The following FTO variants were observed in gnomAD, a reference collection of about 807,000 sequenced individuals.
The protein encoded by FTO is FTO alpha-ketoglutarate dependent dioxygenase.
FTO carries 47 observed loss-of-function variants against 63.9 expected under a neutral mutation model. That is an observed-to-expected ratio of 0.74 (90% confidence interval 0.58 to 0.94). The LOEUF (loss-of-function observed/expected upper bound fraction) is 0.94. Among genes scored for constraint, FTO ranks in the 40% least tolerant of loss-of-function variants. FTO has a pLI of 0.00. For missense variants in FTO, 562 were observed against 618.1 expected, an observed-to-expected ratio of 0.91 and a Z score of 0.96; for synonymous variants, 207 against 224.4, an observed-to-expected ratio of 0.92 and a Z score of 0.69.
At chr16:53,803,609 G>T (rs1311970046) in intron 1 of FTO, among the ~76,000 whole-genome samples, 2 of 152,148 alleles carry the variant, frequency 1.3e-5, no homozygotes, top group Admixed American at 1.3e-4. Flanking sequence ...TAAGAGAGAT[G>T]ATTTCTCTTG....
At chr16:53,842,349 A>T (rs2035520072) in intron 3 of FTO, among the ~76,000 whole-genome samples, 1 of 152,234 alleles carries the variant, frequency 6.6e-6, no homozygotes, top group Admixed American at 6.5e-5. Flanking sequence ...TCAGTCACTG[A>T]CATATCCCAC....
intron 1 of FTO, among the ~76,000 whole-genome samples, chr16:53,807,824 A>G (rs1229121566): frequency 6.6e-6 from 1 of 152,206 alleles, no homozygotes; most frequent in Non-Finnish European, 1.5e-5. Context: ...ATAGATTTTG[A>G]TTAAATTTAT....
chr16:54,114,521 G>A lies in FTO; in HGVS notation c.*2606G>A, dbSNP rs1307993297. 1 of 152,136 alleles carries A rather than the reference G, an allele frequency of 6.6e-6. No individual in the cohort carries two copies. 9.4% of individuals were successfully genotyped at this position (152,136 alleles called of 1,614,324 possible). On this transcript the variant is annotated 3_prime_UTR_variant, in exon 9 of 9. Coordinates refer to ENST00000471389, the MANE Select transcript of FTO (RefSeq NM_001080432.3). ...TGGATGAGCCAGCTTCACTGTCCTG[G>A]GTGGGGCCCAGGTGGAATTAGTTCT... is the stretch of plus-strand genomic sequence containing the variant.
chr16:53,932,220 A>G (rs530126645), intron 7 of FTO, among the ~76,000 whole-genome samples: 1 of 152,280 alleles, frequency 6.6e-6, no homozygotes, highest in South Asian at 2.1e-4. Flanking sequence ...AACTGGGCAT[A>G]TCTTCCAGCA....
intron 1 of FTO, among the ~76,000 whole-genome samples, chr16:53,756,941 G>A (rs564198999): frequency 2.0e-5 from 3 of 152,100 alleles, no homozygotes; most frequent in Non-Finnish European, 4.4e-5. Context: ...TAAATGACAG[G>A]CCTGTTAATC....
intron 1 of FTO, among the ~76,000 whole-genome samples, chr16:53,800,865 G>A (rs2078201599): frequency 6.6e-6 from 1 of 151,460 alleles, no homozygotes; most frequent in Admixed American, 6.6e-5. Flanking sequence ...TTTTATTGCA[G>A]TAGAATGTAC....
chr16:54,066,890 T>C (rs1489088747), intron 8 of FTO, among the ~76,000 whole-genome samples: 1 of 152,228 alleles, frequency 6.6e-6, no homozygotes, highest in Non-Finnish European at 1.5e-5. Context: ...GGGAAGTTAC[T>C]GCACAGCCAA....
rs545749113 is a variant in FTO at position 53,775,790 on chromosome 16, C to G, written c.46-34350C>G. 2.6e-5 allele frequency among the ~76,000 whole-genome samples: 4 copies of G among 152,196 alleles called. No homozygotes were observed. The South Asian group carries it at 8.3e-4, about 32-fold the overall frequency. On this transcript the variant is annotated intron_variant, in intron 1 of 8. Transcript: ENST00000471389. ...TTGCCTGCTTTTAATAGTCTGTTTT[C>G]TTTCTCATTTGTTTATTCCTTTGAT...
intron 8 of FTO, among the ~76,000 whole-genome samples, chr16:54,083,300 T>C (rs775178637): frequency 1.3e-5 from 2 of 152,202 alleles, no homozygotes; most frequent in Non-Finnish European, 2.9e-5. Flanking sequence ...TATAGTGTCC[T>C]GGTTGTTGGC....
intron 7 of FTO, among the ~76,000 whole-genome samples, chr16:53,915,479 G>A (rs916230255): frequency 1.3e-5 from 2 of 152,174 alleles, no homozygotes; most frequent in Non-Finnish European, 2.9e-5. Flanking sequence ...GGCAACAATC[G>A]GGAAAGGAGG....
intron 8 of FTO, among the ~76,000 whole-genome samples, chr16:54,018,930 A>G (rs146985909): frequency 1.3e-5 from 2 of 152,326 alleles, no homozygotes; most frequent in East Asian, 1.9e-4. Context: ...ACTGTAAACA[A>G]TGCCAGTTGT....
intron 7 of FTO, among the ~76,000 whole-genome samples, chr16:53,915,244 T>C (rs1044607723): frequency 3.3e-5 from 5 of 152,240 alleles, no homozygotes. Context: ...TTAATGTCTC[T>C]GAAGTGATCC....
intron 4 of FTO, among the ~76,000 whole-genome samples, chr16:53,857,181 C>G (rs2080026514): frequency 6.6e-6 from 1 of 152,072 alleles, no homozygotes; most frequent in South Asian, 2.1e-4. Context: ...TATTTCATCA[C>G]CCAGGTAATA....
intron 7 of FTO, among the ~76,000 whole-genome samples, chr16:53,927,590 C>T (rs12919488): frequency 0.34 from 51,630 of 151,812 alleles, 10,115 homozygotes; most frequent in East Asian, 0.81. Flanking sequence ...AGAGAGCAAA[C>T]CGAAGAGATG....
intron 8 of FTO, among the ~76,000 whole-genome samples, chr16:54,041,472 C>G (rs2144277585): frequency 1.3e-5 from 2 of 152,242 alleles, no homozygotes; most frequent in South Asian, 4.1e-4. Context: ...AAACTTTAAG[C>G]AAACTCTCCC....
chr16:54,117,710 A>G lies in FTO; in HGVS notation c.*5795A>G, dbSNP rs893244645. On this transcript the variant is annotated 3_prime_UTR_variant, in exon 9 of 9. Coordinates refer to ENST00000471389, the MANE Select transcript of FTO (RefSeq NM_001080432.3). ...GAGATATTATGAAAAATGATGTTTT[A>G]GGACTCTCATTTCTACAGTGGGAGT... 1.3e-5 allele frequency: 2 copies of G among 152,212 alleles called. No homozygotes were observed. Among genetic ancestry groups the G allele is most frequent in the Admixed American group, 6.5e-5 (1 of 15,286 alleles). 9.4% of individuals were successfully genotyped at this position (152,212 alleles called of 1,614,324 possible).
intron 4 of FTO, among the ~76,000 whole-genome samples, chr16:53,857,052 G>A (rs1334959318): frequency 1.4e-5 from 2 of 147,404 alleles, no homozygotes; most frequent in East Asian, 2.1e-4. Flanking sequence ...CCTGTTGACT[G>A]TTGTTATTGG....
chr16:54,064,755 C>T (rs1361631022), intron 8 of FTO, among the ~76,000 whole-genome samples: 5 of 152,126 alleles, frequency 3.3e-5, no homozygotes, highest in Non-Finnish European at 5.9e-5. Flanking sequence ...CCGGTGCACA[C>T]CTGATTAAAC....
intron 8 of FTO, among the ~76,000 whole-genome samples, chr16:53,940,852 CTTA>C (rs1313363916): frequency 2.0e-5 from 3 of 151,506 alleles, no homozygotes; most frequent in African/African-American, 7.3e-5. Flanking sequence ...AAACAACGGT[CTTA>C]TTATTAGTCA....
Sources: gnomAD v4.1 joint callset for allele counts (sites outside exome capture counted in the v4.1 genomes callset) on GRCh38, gnomAD v4.1.1 for gene constraint, MANE v1.5 for transcripts, NCBI Gene and HGNC (gene_info 2026-07-23, HGNC 2026-07-21) for gene names.